The following KIAA0825 variants were observed in gnomAD, a reference collection of about 807,000 sequenced individuals.
KIAA0825 encodes the protein KIAA0825, also known as uncharacterized protein KIAA0825.
Under a neutral mutation model 147.6 loss-of-function variants are expected in KIAA0825, and 119 were observed. That is an observed-to-expected ratio of 0.81 (90% CI 0.69 to 0.94). The LOEUF is 0.94. Among genes scored for constraint, KIAA0825 ranks in the 40% least tolerant of loss-of-function variants. KIAA0825 has a pLI of 0.00. For missense variants in KIAA0825, 1,381 were observed against 1,472.7 expected, an observed-to-expected ratio of 0.94 and a Z score of 1.02; for synonymous variants, 470 against 518.1, an observed-to-expected ratio of 0.91 and a Z score of 1.26.
At chr5:94,549,130 A>G (rs1186345205) in intron 2 of KIAA0825, among the ~76,000 whole-genome samples, 1 of 152,100 alleles carries the variant, frequency 6.6e-6, no homozygotes, top group East Asian at 1.9e-4. Flanking sequence ...TGAAGAATAC[A>G]TTTTTTCAGT....
At chr5:94,232,808 G>GA (rs1276878809) in intron 20 of KIAA0825, among the ~76,000 whole-genome samples, 3 of 151,966 alleles carry the variant, frequency 2.0e-5, no homozygotes, top group African/African-American at 7.2e-5. Context: ...TAGTTGGAAT[G>GA]AAAAAAATTC....
At chr5:94,199,120 G>A (rs764159958) in intron 20 of KIAA0825, among the ~76,000 whole-genome samples, 13 of 152,122 alleles carry the variant, frequency 8.5e-5, no homozygotes, top group Admixed American at 2.6e-4. Flanking sequence ...AGACACTCTC[G>A]CTTTTAGAGT....
chr5:94,582,328 A>T (rs1782352441), intron 2 of KIAA0825, 105 bp downstream of exon 2: 1 of 152,208 alleles, frequency 6.6e-6, no homozygotes, highest in African/African-American at 2.4e-5. Flanking sequence ...GAGAAAGCTA[A>T]CTGTATTCTC....
chr5:94,281,326 C>T (rs1167413401), intron 20 of KIAA0825, among the ~76,000 whole-genome samples: 4 of 150,294 alleles, frequency 2.7e-5, no homozygotes, highest in Admixed American at 2.0e-4. Flanking sequence ...ATGAAAAGTA[C>T]AAAAAAAAAT....
intron 20 of KIAA0825, among the ~76,000 whole-genome samples, chr5:94,269,853 A>G (rs573836267): frequency 6.6e-6 from 1 of 152,200 alleles, no homozygotes; most frequent in Non-Finnish European, 1.5e-5. Flanking sequence ...ACAAAAGATC[A>G]ACAAAAACTT....
intron 14 of KIAA0825, among the ~76,000 whole-genome samples, chr5:94,419,639 T>A (rs1430872781): frequency 6.6e-6 from 1 of 152,218 alleles, no homozygotes; most frequent in East Asian, 1.9e-4. Context: ...GATTGATTAA[T>A]CAACTGCTTC....
chr5:94,162,876 T>A (rs1032753048), intron 20 of KIAA0825, among the ~76,000 whole-genome samples: 13 of 152,206 alleles, frequency 8.5e-5, no homozygotes, highest in African/African-American at 3.1e-4. Flanking sequence ...GAAGTTCAAG[T>A]GTTACTATGT....
At chr5:94,528,691 A>C (rs548573845) in intron 3 of KIAA0825, among the ~76,000 whole-genome samples, 1 of 152,152 alleles carries the variant, frequency 6.6e-6, no homozygotes, top group South Asian at 2.1e-4. Flanking sequence ...GCACAGGGCT[A>C]TGTTAATAAT....
chr5:94,503,700 C>T (rs1288822461), intron 5 of KIAA0825, among the ~76,000 whole-genome samples: 2 of 152,232 alleles, frequency 1.3e-5, no homozygotes, highest in Non-Finnish European at 2.9e-5. Context: ...GCCTTAAACA[C>T]TATTACTTCC....
At chr5:94,265,101 T>A (rs115278176) in intron 20 of KIAA0825, among the ~76,000 whole-genome samples, 2,522 of 152,154 alleles carry the variant, frequency 0.017, 26 homozygotes, top group Non-Finnish European at 0.025. Context: ...CACATTTTAT[T>A]CTATAGGTTC....
At chr5:94,291,654 C>A (rs1777900341) in intron 20 of KIAA0825, among the ~76,000 whole-genome samples, 1 of 152,082 alleles carries the variant, frequency 6.6e-6, no homozygotes, top group Non-Finnish European at 1.5e-5. Flanking sequence ...TGAAGAAAGT[C>A]AATGGTAGCT....
intron 14 of KIAA0825, among the ~76,000 whole-genome samples, chr5:94,427,707 TA>T (rs1314920074): frequency 1.3e-5 from 2 of 152,224 alleles, no homozygotes; most frequent in African/African-American, 4.8e-5. Flanking sequence ...ACTTTTATTT[TA>T]ATTTTCTGCC....
At chr5:94,350,923 G>A (rs1411484930) in intron 20 of KIAA0825, among the ~76,000 whole-genome samples, 2 of 142,736 alleles carry the variant, frequency 1.4e-5, no homozygotes, top group East Asian at 4.1e-4. Context: ...TCTCGCTCTT[G>A]TTGCCCACGC....
chr5:94,485,677 C>T (rs1216990313), intron 5 of KIAA0825, among the ~76,000 whole-genome samples: 8 of 151,648 alleles, frequency 5.3e-5, no homozygotes, highest in Admixed American at 5.3e-4. Context: ...CAGATATTAA[C>T]ATTTGGGAAA....
intron 20 of KIAA0825, among the ~76,000 whole-genome samples, chr5:94,344,321 C>CA (rs1406319303): frequency 6.0e-5 from 9 of 151,128 alleles, no homozygotes; most frequent in South Asian, 2.1e-4. Flanking sequence ...GCAAACTGAG[C>CA]AAAAAAAAGC....
rs547586594 is a variant in KIAA0825, at chr5:94,546,348, G to A, written c.-1-9221C>T. ...CTGGCTTCCCCACCTGTTGTATAGA[G>A]ATTCCTAGGGCCTTGAGTGAACATA... On this transcript the variant is annotated intron_variant, in intron 2 of 20. Transcript: ENST00000682413. Among the ~76,000 whole-genome samples, 3 of 152,264 alleles carry A rather than the reference G, an allele frequency of 2.0e-5. No homozygotes were observed. The East Asian group carries it at 5.8e-4, about 29-fold the overall frequency.
In KIAA0825 at chr5:94,386,424, C is replaced by T. The variant is rs1032547953; in HGVS notation, c.3457-20G>A. ...ATATTCCTTCAAAGAAAAGAAATTA[C>T]AAGTTGTGACGGTGAGAAGCAGACA... On this transcript the variant is annotated intron_variant, in intron 18 of 20. Coordinates refer to ENST00000682413, the MANE Select transcript of KIAA0825 (RefSeq NM_001145678.3). 5 of 1,535,080 alleles carry T rather than the reference C, an allele frequency of 3.3e-6. No homozygotes were observed. In the African/African-American group the frequency reaches 4.2e-5, roughly 13 times the overall value.
At chr5:94,559,402 T>G (rs966616411) in intron 2 of KIAA0825, among the ~76,000 whole-genome samples, 3 of 152,194 alleles carry the variant, frequency 2.0e-5, no homozygotes, top group African/African-American at 7.2e-5. Flanking sequence ...TCACACTGTC[T>G]AAGATGGAAT....
intron 20 of KIAA0825, among the ~76,000 whole-genome samples, chr5:94,332,987 C>CT (rs1350235132): frequency 6.6e-6 from 1 of 152,140 alleles, no homozygotes; most frequent in South Asian, 2.1e-4. Flanking sequence ...TGATGATGAG[C>CT]TTTTTTTCAT....
Sources: allele counts gnomAD v4.1 joint callset (sites outside exome capture counted in the v4.1 genomes callset), GRCh38; gene constraint gnomAD v4.1.1; transcripts MANE v1.5; gene names NCBI Gene and HGNC (gene_info 2026-07-23, HGNC 2026-07-21).